RBFOX1: variants seen among roughly 807,000 people sequenced by gnomAD.
RBFOX1 encodes the protein RNA binding protein fox-1 homolog 1.
Under a neutral mutation model 57.7 loss-of-function variants are expected in RBFOX1, and 8 were observed. The observed-to-expected ratio is 0.14, with a 90% CI of 0.08 to 0.25. RBFOX1 has a LOEUF of 0.25. Ranked by LOEUF, RBFOX1 falls within the 10% of genes least tolerant of loss-of-function variation. RBFOX1 has a pLI of 1.00. For synonymous variants in RBFOX1, 326 were observed against 222.4 expected (o/e 1.47, Z -4.15); for missense variants, 611 against 548.5 (o/e 1.11, Z -1.14).
chr16:6,662,558 A>G (rs1038934336), intron 3 of RBFOX1, among the ~76,000 whole-genome samples: 4 of 152,142 alleles, frequency 2.6e-5, no homozygotes, highest in South Asian at 2.1e-4. Context: ...CAGTTCATGG[A>G]TATGGTATCA....
intron 1 of RBFOX1, among the ~76,000 whole-genome samples, chr16:6,053,426 G>C (rs1410232033): frequency 6.6e-6 from 1 of 152,178 alleles, no homozygotes; most frequent in Non-Finnish European, 1.5e-5. Flanking sequence ...GGAGGAGAGA[G>C]AGTGATAAGG....
intron 1 of RBFOX1, among the ~76,000 whole-genome samples, chr16:6,173,118 C>T (rs2096974135): frequency 6.6e-6 from 1 of 152,104 alleles, no homozygotes; most frequent in Non-Finnish European, 1.5e-5. Flanking sequence ...TAATTTTTCC[C>T]ATTTCAAGAT....
intron 1 of RBFOX1, among the ~76,000 whole-genome samples, chr16:5,401,357 G>A (rs1380182725): frequency 3.3e-5 from 5 of 152,020 alleles, no homozygotes; most frequent in African/African-American, 7.3e-5. Flanking sequence ...CTCCTTTAGC[G>A]TATGATCAAT....
At chr16:5,853,571 T>C (rs754089305) in intron 3 of RBFOX1, among the ~76,000 whole-genome samples, 32 of 152,214 alleles carry the variant, frequency 2.1e-4, no homozygotes, top group Non-Finnish European at 3.7e-4. Flanking sequence ...CCTTTCTTTT[T>C]GTCTGTGGCA....
At chr16:5,549,353 C>A (rs887731314) in intron 2 of RBFOX1, among the ~76,000 whole-genome samples, 2 of 152,284 alleles carry the variant, frequency 1.3e-5, no homozygotes, top group South Asian at 2.1e-4. Context: ...GTAACTGGAT[C>A]TGCTTCTTCA....
intron 3 of RBFOX1, among the ~76,000 whole-genome samples, chr16:5,758,912 C>G (rs1366594518): frequency 2.0e-5 from 3 of 152,072 alleles, no homozygotes; most frequent in Admixed American, 6.5e-5. Flanking sequence ...CTCCACTTAC[C>G]TCTTGTGTAT....
At chr16:6,243,164 G>GTGTTTA (rs1212476530) in intron 1 of RBFOX1, among the ~76,000 whole-genome samples, 21 of 151,980 alleles carry the variant, frequency 1.4e-4, no homozygotes, top group African/African-American at 4.8e-4. Flanking sequence ...GTGTGTGTGT[G>GTGTTTA]TGTTTATGTA....
chr16:5,975,685 G>A (rs1367518549), intron 4 of RBFOX1, among the ~76,000 whole-genome samples: 1 of 152,112 alleles, frequency 6.6e-6, no homozygotes, highest in Non-Finnish European at 1.5e-5. Flanking sequence ...CATGTTGGAG[G>A]AGCTCCTAGC....
intron 1 of RBFOX1, among the ~76,000 whole-genome samples, chr16:6,046,269 T>G (rs2095494405): frequency 6.6e-6 from 1 of 152,170 alleles, no homozygotes; most frequent in Non-Finnish European, 1.5e-5. Context: ...ATGGATATAC[T>G]TTTTGTGATA....
At chr16:5,409,151 G>C in intron 1 of RBFOX1, among the ~76,000 whole-genome samples, 1 of 152,238 alleles carries the variant, frequency 6.6e-6, no homozygotes, top group East Asian at 1.9e-4. Flanking sequence ...AATGCAGACA[G>C]CAGTAGTTGG....
At chr16:6,683,514 C>T (rs1367919663) in intron 3 of RBFOX1, among the ~76,000 whole-genome samples, 1 of 151,962 alleles carries the variant, frequency 6.6e-6, no homozygotes, top group African/African-American at 2.4e-5. Flanking sequence ...ATAAACAAAA[C>T]TATATATATA....
intron 2 of RBFOX1, among the ~76,000 whole-genome samples, chr16:5,588,947 A>G (rs549807648): frequency 1.3e-5 from 2 of 152,230 alleles, no homozygotes; most frequent in East Asian, 3.9e-4. Flanking sequence ...TGCAGAAACA[A>G]AGAGTTGAGG....
intron 1 of RBFOX1, among the ~76,000 whole-genome samples, chr16:6,042,522 A>G (rs1035591605): frequency 1.3e-5 from 2 of 152,182 alleles, no homozygotes; most frequent in African/African-American, 4.8e-5. Flanking sequence ...CTTAATTTAC[A>G]CATTTAATTT....
chr16:6,810,295 T>G (rs1226929020), intron 3 of RBFOX1, among the ~76,000 whole-genome samples: 1 of 152,104 alleles, frequency 6.6e-6, no homozygotes, highest in Non-Finnish European at 1.5e-5. Flanking sequence ...TCACTGAAAT[T>G]ATTCTGAAAG....
intron 4 of RBFOX1, among the ~76,000 whole-genome samples, chr16:7,059,998 GA>G (rs1208483663): frequency 6.6e-6 from 1 of 152,088 alleles, no homozygotes; most frequent in African/African-American, 2.4e-5. Flanking sequence ...AATATTAGTG[GA>G]AAAAAGCCCT....
chr16:6,040,169 G>A (rs1191395985), intron 1 of RBFOX1, among the ~76,000 whole-genome samples: 2 of 152,182 alleles, frequency 1.3e-5, no homozygotes, highest in Non-Finnish European at 2.9e-5. Context: ...TCTGTTGCAT[G>A]ATTCTATATT....
chr16:6,026,050 A>C (rs4786077), intron 1 of RBFOX1, among the ~76,000 whole-genome samples: 144,495 of 152,134 alleles, frequency 0.95, 68,654 homozygotes, highest in African/African-American at 0.98. Context: ...ACCTTATTCG[A>C]TTCCTGCTCA....
chr16:5,980,654 G>A (rs950894128), intron 4 of RBFOX1, among the ~76,000 whole-genome samples: 5 of 152,160 alleles, frequency 3.3e-5, no homozygotes, highest in South Asian at 2.1e-4. Flanking sequence ...AAGACACTGA[G>A]CAGGCATTAG....
intron 2 of RBFOX1, among the ~76,000 whole-genome samples, chr16:6,558,288 C>T (rs1343604582): frequency 2.6e-5 from 4 of 152,040 alleles, no homozygotes; most frequent in African/African-American, 7.2e-5. Context: ...TTTTGCAAAT[C>T]GAGAATAAGA....
Sources: gnomAD v4.1 joint callset for allele counts (sites outside exome capture counted in the v4.1 genomes callset) on GRCh38, gnomAD v4.1.1 for gene constraint, MANE v1.5 for transcripts, NCBI Gene and HGNC (gene_info 2026-07-23, HGNC 2026-07-21) for gene names.